The following LRRIQ1 variants were observed in gnomAD, a reference collection of about 807,000 sequenced individuals.
LRRIQ1 encodes the protein leucine-rich repeat- and IQ domain-containing protein 1.
In LRRIQ1, 210 loss-of-function variants were observed where a neutral mutation model predicts 211.9. The observed-to-expected ratio is 0.99, with a 90% confidence interval of 0.89 to 1.11. LRRIQ1 has a LOEUF of 1.11. Among genes scored for constraint, LRRIQ1 ranks in the 50% most tolerant of loss-of-function variants. LRRIQ1 has a pLI of 0.00. For synonymous variants in LRRIQ1, 699 were observed against 650.1 expected, an observed-to-expected ratio of 1.08 and a Z score of -1.14; for missense variants, 2,136 against 1,939.5, an observed-to-expected ratio of 1.10 and a Z score of -1.90.
chr12:85,190,165 A>G (rs1401977582), intron 24 of LRRIQ1, among the ~76,000 whole-genome samples: 1 of 143,740 alleles, frequency 7.0e-6, no homozygotes, highest in Non-Finnish European at 1.5e-5. Context: ...ATAACAATAT[A>G]TTATGTATGA....
At chr12:85,218,515 G>A (rs1363331085) in intron 24 of LRRIQ1, among the ~76,000 whole-genome samples, 1 of 152,042 alleles carries the variant, frequency 6.6e-6, no homozygotes, top group Non-Finnish European at 1.5e-5. Flanking sequence ...ACAGAGAGAA[G>A]ATAAATACTT....
At chr12:85,255,025 T>C (rs1183105869) in intron 1 of LRRIQ1, among the ~76,000 whole-genome samples, 2 of 151,916 alleles carry the variant, frequency 1.3e-5, no homozygotes, top group Non-Finnish European at 2.9e-5. Flanking sequence ...GAAATCTTTC[T>C]CTTCTAACTT....
chr12:85,177,978 A>G (rs1891797239), intron 24 of LRRIQ1, among the ~76,000 whole-genome samples: 1 of 152,092 alleles, frequency 6.6e-6, no homozygotes, highest in South Asian at 2.1e-4. Context: ...ATGGAATGAG[A>G]AGAATAATAC....
At chr12:85,133,537 G>T in intron 18 of LRRIQ1, among the ~76,000 whole-genome samples, 1 of 152,072 alleles carries the variant, frequency 6.6e-6, no homozygotes, top group Middle Eastern at 3.4e-3. Context: ...AGAAAGCTAT[G>T]AAGGAAGCTG....
intron 23 of LRRIQ1, among the ~76,000 whole-genome samples, chr12:85,155,154 C>T (rs1222109457): frequency 6.6e-6 from 1 of 151,468 alleles, no homozygotes; most frequent in Non-Finnish European, 1.5e-5. Context: ...AAGTGTTCAA[C>T]TTGCATACCT....
At chr12:85,151,471 A>C (rs952527653) in intron 19 of LRRIQ1, among the ~76,000 whole-genome samples, 1 of 151,672 alleles carries the variant, frequency 6.6e-6, no homozygotes, top group Non-Finnish European at 1.5e-5. Flanking sequence ...TTTTTTAAAA[A>C]AAATTGGTAT....
rs541404800 is a variant in LRRIQ1, at chr12:85,138,128, T to G, written c.4329+159T>G. Among the ~76,000 whole-genome samples, 10 of 151,694 alleles carry G rather than the reference T, an allele frequency of 6.6e-5. No homozygotes were observed. The East Asian group carries it at 1.8e-3, about 27-fold the overall frequency. On this transcript the variant is annotated intron_variant, in intron 19 of 26. Coordinates refer to ENST00000393217, the MANE Select transcript of LRRIQ1 (RefSeq NM_001079910.2). Reference sequence around the variant, plus strand: ...TTCCTAACATCATCTTCTTTTATCCTACAAGCTTGTATAGTGTGCAAAGGT... The same window carrying G: ...TTCCTAACATCATCTTCTTTTATCCGACAAGCTTGTATAGTGTGCAAAGGT...
Position 85,098,826 on chromosome 12 carries a change from A to G in LRRIQ1, c.3082-41A>G, listed in dbSNP as rs781305828. 1.1e-5 allele frequency: 16 copies of G among 1,393,926 alleles called. 1 individual carries two copies. The South Asian group carries it at 1.3e-4, about 11-fold the overall frequency. 86.3% of individuals were successfully genotyped at this position (1,393,926 alleles called of 1,614,324 possible). On this transcript the variant is annotated intron_variant, in intron 12 of 26. Transcript: ENST00000393217. ...TTTTAATTGGGCTAAATGATAAAAT[A>G]TTTTGCTTAATATAAACTAATGAAC...
intron 7 of LRRIQ1, among the ~76,000 whole-genome samples, chr12:85,055,205 T>C (rs1880832607): frequency 6.6e-6 from 1 of 152,098 alleles, no homozygotes; most frequent in South Asian, 2.1e-4. Flanking sequence ...ACGTGGTTTT[T>C]AGCCTGTGGT....
At chr12:85,165,621 CG>C (rs1030384815) in intron 24 of LRRIQ1, among the ~76,000 whole-genome samples, 51 of 151,768 alleles carry the variant, frequency 3.4e-4, no homozygotes, top group African/African-American at 1.2e-3. Context: ...TACAGGCACA[CG>C]CCACCACGCC....
At chr12:85,122,696 A>T (rs994212071) in intron 16 of LRRIQ1, among the ~76,000 whole-genome samples, 1 of 152,056 alleles carries the variant, frequency 6.6e-6, no homozygotes, top group Non-Finnish European at 1.5e-5. Flanking sequence ...TTCTGTGTAA[A>T]TATTTTTGAA....
downstream of LRRIQ1, among the ~76,000 whole-genome samples, chr12:85,266,166 G>T (rs941149983): frequency 2.6e-5 from 4 of 152,042 alleles, no homozygotes; most frequent in African/African-American, 9.7e-5. Context: ...CTTGTTGTAA[G>T]AAATAGGATT....
chr12:85,198,765 C>T (rs369793487), intron 24 of LRRIQ1, among the ~76,000 whole-genome samples: 23 of 152,040 alleles, frequency 1.5e-4, no homozygotes, highest in South Asian at 2.1e-4. Flanking sequence ...AGACGGGGTT[C>T]CACCATGTTA....
chr12:85,065,539 G>T, intron 9 of LRRIQ1, 125 bp downstream of exon 9: 1 of 701,770 alleles, frequency 1.4e-6, no homozygotes, highest in Non-Finnish European at 2.1e-6. Context: ...AGAGCCTGAA[G>T]AGATCAGGTG....
At chr12:85,077,102 A>T (rs1209660623) in intron 11 of LRRIQ1, among the ~76,000 whole-genome samples, 2 of 152,188 alleles carry the variant, frequency 1.3e-5, no homozygotes. Flanking sequence ...ACCATCAGAC[A>T]TGGCAATCAG....
Position 85,104,041 on chromosome 12 carries a change from T to C in LRRIQ1, c.3247T>C (p.Leu1083=), listed in dbSNP as rs773932956. The C allele has an allele frequency of 1.3e-6, 2 of 1,568,386 alleles. No individual in the cohort carries two copies. The highest frequency in any genetic ancestry group is 2.4e-5 in the South Asian group (2 of 83,178). ...KIVPLFHFVS[L]EKLDVSHNCL... ...CGTACCACTTTTTCATTTTGTTTCA[T>C]TGGAAAAGCTAGATGTCAGCCACAA... The change falls in exon 14 of 27, where the codon TTG becomes CTG. Residue 1083 remains leucine, a synonymous_variant. Coordinates refer to ENST00000393217, the MANE Select transcript of LRRIQ1 (RefSeq NM_001079910.2).
chr12:85,174,199 A>T (rs1207413496), intron 24 of LRRIQ1, among the ~76,000 whole-genome samples: 1 of 152,100 alleles, frequency 6.6e-6, no homozygotes, highest in African/African-American at 2.4e-5. Flanking sequence ...TGCCCATGAA[A>T]TAGAATGAGA....
intron 18 of LRRIQ1, among the ~76,000 whole-genome samples, chr12:85,136,409 C>A (rs1592861822): frequency 2.0e-5 from 3 of 151,964 alleles, no homozygotes; most frequent in East Asian, 3.9e-4. Context: ...TAGGGAGAGA[C>A]TAGAAGTAGA....
intron 24 of LRRIQ1, among the ~76,000 whole-genome samples, chr12:85,172,746 GTC>G (rs1427774617): frequency 3.3e-5 from 5 of 152,096 alleles, no homozygotes; most frequent in Admixed American, 3.3e-4. Flanking sequence ...TATGAGATCT[GTC>G]TCTATGTCAA....
Sources: allele counts gnomAD v4.1 joint callset (sites outside exome capture counted in the v4.1 genomes callset), GRCh38; gene constraint gnomAD v4.1.1; transcripts MANE v1.5; gene names NCBI Gene and HGNC (gene_info 2026-07-23, HGNC 2026-07-21).